TMEM131: variants seen among roughly 807,000 people sequenced by gnomAD.
TMEM131 encodes transmembrane protein 131.
Under a neutral mutation model 211.6 loss-of-function variants are expected in TMEM131, and 66 were observed. The observed-to-expected ratio is 0.31, with a 90% CI of 0.26 to 0.38. TMEM131 has a LOEUF of 0.38. Among genes scored for constraint, TMEM131 ranks in the 10% least tolerant of loss-of-function variants. The probability of loss-of-function intolerance (pLI) is 1.00; values close to 1 mark genes in which losing one functional copy is unlikely to be tolerated. For synonymous variants in TMEM131, 844 were observed against 841.3 expected (o/e 1.00, Z -0.06); for missense variants, 2,036 against 2,299.3 (o/e 0.89, Z 2.34).
intron 1 of TMEM131, among the ~76,000 whole-genome samples, chr2:97,951,540 G>C (rs1351263617): frequency 6.6e-6 from 1 of 152,158 alleles, no homozygotes; most frequent in Non-Finnish European, 1.5e-5. Flanking sequence ...CTGCCACTGG[G>C]TAAAATGTCT....
chr2:97,776,545 T>C (rs1276857602), intron 31 of TMEM131, among the ~76,000 whole-genome samples: 4 of 152,226 alleles, frequency 2.6e-5, no homozygotes, highest in Admixed American at 6.5e-5. Context: ...TTATATATAA[T>C]AGAACACACC....
intron 1 of TMEM131, among the ~76,000 whole-genome samples, chr2:97,981,657 T>A (rs1679804501): frequency 6.6e-6 from 1 of 152,194 alleles, no homozygotes; most frequent in Admixed American, 6.5e-5. Flanking sequence ...TTCAGAGTTG[T>A]TCAACCACCA....
intron 4 of TMEM131, 65 bp from the exon 5 acceptor site, chr2:97,859,492 A>C: frequency 1.5e-6 from 2 of 1,371,638 alleles, no homozygotes; most frequent in Non-Finnish European, 9.7e-7. Flanking sequence ...TCTAGTTGTT[A>C]AAAAATTAAT....
chr2:97,928,050 GGC>G (rs1677063167), intron 1 of TMEM131, among the ~76,000 whole-genome samples: 1 of 152,122 alleles, frequency 6.6e-6, no homozygotes, highest in Non-Finnish European at 1.5e-5. Context: ...CATACAATCT[GGC>G]GATCGTGCTT....
chr2:97,759,075 T>A (rs1559339273), intron 39 of TMEM131, 22 bp from the exon 40 acceptor site: 1 of 1,613,920 alleles, frequency 6.2e-7, no homozygotes, highest in South Asian at 1.1e-5. Context: ...GCAACAGTCA[T>A]CAAGTCCATA....
chr2:97,959,065 C>T (rs1678694984), intron 1 of TMEM131, among the ~76,000 whole-genome samples: 1 of 151,972 alleles, frequency 6.6e-6, no homozygotes, highest in African/African-American at 2.4e-5. Context: ...CAGAGTTGGC[C>T]AATTGGAAGC....
At chr2:97,776,403 A>G (rs1010268612) in intron 31 of TMEM131, among the ~76,000 whole-genome samples, 5 of 151,954 alleles carry the variant, frequency 3.3e-5, no homozygotes, top group Non-Finnish European at 5.9e-5. Flanking sequence ...AGCAATTACA[A>G]CTTTTGTTGG....
At chr2:97,968,463 C>T (rs984088728) in intron 1 of TMEM131, among the ~76,000 whole-genome samples, 5 of 152,200 alleles carry the variant, frequency 3.3e-5, no homozygotes, top group African/African-American at 9.6e-5. Flanking sequence ...TTGAGACTTA[C>T]TGAGCACTTG....
At chr2:97,919,266 G>A (rs942318980) in intron 2 of TMEM131, among the ~76,000 whole-genome samples, 12 of 152,018 alleles carry the variant, frequency 7.9e-5, no homozygotes, top group Non-Finnish European at 1.2e-4. Flanking sequence ...ATTCCTTTGC[G>A]TTTCTGAGCT....
At chr2:97,767,434 T>A (rs1679224667) in intron 33 of TMEM131, among the ~76,000 whole-genome samples, 1 of 152,114 alleles carries the variant, frequency 6.6e-6, no homozygotes, top group African/African-American at 2.4e-5. Context: ...TACAAAGGCA[T>A]TCTTTATGAA....
At chr2:97,793,664 A>G (rs1680609378) in intron 29 of TMEM131, 111 bp from the exon 30 acceptor site, 1 of 1,138,800 alleles carries the variant, frequency 8.8e-7, no homozygotes, top group Non-Finnish European at 1.2e-6. Context: ...GATGTAATAG[A>G]AAACCAAGTT....
At chr2:97,846,855 C>T (rs1018233762) in intron 5 of TMEM131, among the ~76,000 whole-genome samples, 4 of 152,122 alleles carry the variant, frequency 2.6e-5, no homozygotes, top group Admixed American at 2.6e-4. Flanking sequence ...CAAGGATGCC[C>T]TCTCTTATGA....
At chr2:97,961,632 C>G (rs1445715329) in intron 1 of TMEM131, among the ~76,000 whole-genome samples, 1 of 152,118 alleles carries the variant, frequency 6.6e-6, no homozygotes, top group East Asian at 1.9e-4. Context: ...CCTTTAAAGA[C>G]TTACTAAAAG....
At chr2:97,881,390 T>C (rs923573195) in intron 4 of TMEM131, among the ~76,000 whole-genome samples, 1 of 151,902 alleles carries the variant, frequency 6.6e-6, no homozygotes, top group Admixed American at 6.6e-5. Context: ...AAATTTTTTG[T>C]AGGGATTGGG....
In TMEM131 at chr2:97,835,028, T is replaced by C; in HGVS notation, c.805-103A>G. 6.8e-6 allele frequency: 8 copies of C among 1,177,384 alleles called. No individual in the cohort carries two copies. The South Asian group carries it at 9.9e-5, about 15-fold the overall frequency. 72.9% of individuals were successfully genotyped at this position (1,177,384 alleles called of 1,614,324 possible). ...CACTGACTGAAAGATGAGTATTCTA[T>C]ATACCTATTAATAAAAAAAATGCAT... On this transcript the variant is annotated intron_variant, in intron 8 of 40. Coordinates refer to ENST00000186436, the MANE Select transcript of TMEM131 (RefSeq NM_015348.2).
chr2:97,970,783 A>G (rs1190669020), intron 1 of TMEM131, among the ~76,000 whole-genome samples: 1 of 152,126 alleles, frequency 6.6e-6, no homozygotes, highest in East Asian at 1.9e-4. Context: ...CATGCTGGAC[A>G]TATCTCATTC....
chr2:97,859,284 T>G lies in TMEM131; in HGVS notation c.483+20A>C. ...TCAACTTCAAACTCAGGAAAGATCA[T>G]GTATAGCAGAGAAACTTACCCTATT... On this transcript the variant is annotated intron_variant, in intron 5 of 40. Coordinates refer to ENST00000186436, the MANE Select transcript of TMEM131 (RefSeq NM_015348.2). The G allele has an allele frequency of 6.3e-7, 1 of 1,581,614 alleles. No homozygotes were observed. The highest frequency in any genetic ancestry group is 1.2e-5 in the South Asian group (1 of 84,352).
intron 11 of TMEM131, among the ~76,000 whole-genome samples, chr2:97,826,787 T>C (rs553805812): frequency 1.4e-4 from 22 of 152,316 alleles, no homozygotes; most frequent in African/African-American, 4.8e-4. Context: ...TAATTGATAA[T>C]TGAAGGTCTT....
At chr2:97,838,768 G>GT (rs1683056210) in intron 7 of TMEM131, among the ~76,000 whole-genome samples, 1 of 151,792 alleles carries the variant, frequency 6.6e-6, no homozygotes, top group African/African-American at 2.4e-5. Context: ...TTGTTTGTTT[G>GT]TTTTTTTGGC....
Sources: gnomAD v4.1 joint callset for allele counts (sites outside exome capture counted in the v4.1 genomes callset) on GRCh38, gnomAD v4.1.1 for gene constraint, MANE v1.5 for transcripts, NCBI Gene and HGNC (gene_info 2026-07-23, HGNC 2026-07-21) for gene names.